TNRC6C: variants seen among roughly 807,000 people sequenced by gnomAD.
The protein encoded by TNRC6C is trinucleotide repeat-containing gene 6C protein.
Under a neutral mutation model 153.7 loss-of-function variants are expected in TNRC6C, and 20 were observed. That is an observed-to-expected ratio of 0.13 (90% CI 0.09 to 0.19). The LOEUF is 0.19. Ranked by LOEUF, TNRC6C falls within the 10% of genes least tolerant of loss-of-function variation. The pLI, the probability that TNRC6C is intolerant of heterozygous loss-of-function variation, is 1.00. For missense variants in TNRC6C, 1,987 were observed against 2,172.0 expected, an observed-to-expected ratio of 0.91 and a Z score of 1.69; for synonymous variants, 811 against 841.4, an observed-to-expected ratio of 0.96 and a Z score of 0.63.
chr17:78,077,205 G>T, exon 9 of TNRC6C: 1 of 1,602,432 alleles, frequency 6.2e-7, no homozygotes. Flanking sequence ...TCGTGGAAGA[G>T]CCCACGCCTT....
chr17:77,968,992 C>T (rs1006636751), intron 1 of TNRC6C, among the ~76,000 whole-genome samples: 7 of 152,162 alleles, frequency 4.6e-5, no homozygotes, highest in South Asian at 2.1e-4. Flanking sequence ...ACTGTTGTGA[C>T]GCTAAGCCTG....
intron 1 of TNRC6C, among the ~76,000 whole-genome samples, chr17:77,996,470 C>T (rs2071330226): frequency 6.6e-6 from 1 of 152,164 alleles, no homozygotes; most frequent in Admixed American, 6.5e-5. Flanking sequence ...GCGGTGAATC[C>T]ACTCCAGGTG....
chr17:78,043,880 T>C (rs930922380), intron 2 of TNRC6C, among the ~76,000 whole-genome samples: 3 of 152,224 alleles, frequency 2.0e-5, no homozygotes, highest in Non-Finnish European at 4.4e-5. Flanking sequence ...ATCCATGTTG[T>C]TGCAAATGAC....
chr17:77,969,979 A>T (rs1377121919), intron 1 of TNRC6C, among the ~76,000 whole-genome samples: 1 of 152,228 alleles, frequency 6.6e-6, no homozygotes, highest in Non-Finnish European at 1.5e-5. Context: ...TTGATAACTC[A>T]TGTAAGAGCA....
intron 13 of TNRC6C, among the ~76,000 whole-genome samples, chr17:78,090,743 C>T (rs190806339): frequency 4.6e-5 from 7 of 152,294 alleles, no homozygotes; most frequent in African/African-American, 1.2e-4. Context: ...CTCACCATCC[C>T]AGCTGGGGGC....
intron 1 of TNRC6C, among the ~76,000 whole-genome samples, chr17:77,971,476 A>G (rs2070939444): frequency 6.6e-6 from 1 of 152,050 alleles, no homozygotes. Context: ...CAGACTCAAT[A>G]TTTCCATATC....
At chr17:78,056,851 A>G (rs972867585) in intron 3 of TNRC6C, among the ~76,000 whole-genome samples, 4 of 127,186 alleles carry the variant, frequency 3.1e-5, no homozygotes, top group African/African-American at 1.1e-4. Context: ...AAAAGGGCCA[A>G]AATAATTCTC....
At chr17:78,045,334 A>G (rs762223472) in intron 2 of TNRC6C, among the ~76,000 whole-genome samples, 1 of 152,180 alleles carries the variant, frequency 6.6e-6, no homozygotes, top group Non-Finnish European at 1.5e-5. Context: ...ATGGCATCCT[A>G]TATGGCCATC....
At chr17:78,084,126 A>C (rs1213050365) in intron 11 of TNRC6C, among the ~76,000 whole-genome samples, 1 of 152,144 alleles carries the variant, frequency 6.6e-6, no homozygotes, top group Non-Finnish European at 1.5e-5. Flanking sequence ...TCTACTAAAA[A>C]TACAAAAATT....
intron 1 of TNRC6C, among the ~76,000 whole-genome samples, chr17:77,983,408 G>T (rs1598648257): frequency 6.6e-6 from 1 of 152,164 alleles, no homozygotes; most frequent in East Asian, 1.9e-4. Flanking sequence ...GCAAAATGGG[G>T]TAATGCTATA....
At chr17:78,033,869 T>A (rs1000049646) in intron 2 of TNRC6C, among the ~76,000 whole-genome samples, 4 of 152,156 alleles carry the variant, frequency 2.6e-5, no homozygotes, top group Admixed American at 1.3e-4. Flanking sequence ...TCCTCAGTAG[T>A]CTCTGGTATC....
intron 1 of TNRC6C, among the ~76,000 whole-genome samples, chr17:77,966,932 A>G (rs188972300): frequency 1.3e-3 from 196 of 152,368 alleles, no homozygotes; most frequent in African/African-American, 4.4e-3. Context: ...AAATCATTAC[A>G]TAAATAGAAT....
intron 1 of TNRC6C, among the ~76,000 whole-genome samples, chr17:78,006,445 TAC>T (rs1172944753): frequency 6.6e-6 from 1 of 152,236 alleles, no homozygotes; most frequent in Non-Finnish European, 1.5e-5. Flanking sequence ...CATTTCAAAA[TAC>T]AGAGTTAACT....
At chr17:78,087,880 A>G (rs768000295) in intron 13 of TNRC6C, among the ~76,000 whole-genome samples, 5 of 152,214 alleles carry the variant, frequency 3.3e-5, no homozygotes, top group Non-Finnish European at 7.3e-5. Flanking sequence ...CAGCTCACAT[A>G]CCTGAAGACA....
intron 6 of TNRC6C, 43 bp from the exon 9 acceptor site, chr17:78,072,994 G>GT (rs2073024442): frequency 7.0e-7 from 1 of 1,434,842 alleles, no homozygotes; most frequent in South Asian, 1.3e-5. Context: ...CTTTCCTTTT[G>GT]TTAATTAATG....
In TNRC6C at chr17:78,052,333, C is replaced by T. The variant is rs1340344209; in HGVS notation, c.2395+876C>T. Among the ~76,000 whole-genome samples the T allele has an allele frequency of 2.0e-5, 3 of 152,124 alleles. No homozygotes were observed. The East Asian group carries it at 5.8e-4, about 29-fold the overall frequency. On this transcript the variant is annotated intron_variant, in intron 3 of 19. Coordinates refer to ENST00000301624, the Ensembl canonical transcript of TNRC6C. ...CTGGGGCCCCTGGAGGGTTGCTGGG[C>T]AATGTCAGGGCCCAGAGATCACCAT...
upstream of TNRC6C, among the ~76,000 whole-genome samples, chr17:78,002,786 C>T (rs2071433065): frequency 6.6e-6 from 1 of 152,192 alleles, no homozygotes; most frequent in Non-Finnish European, 1.5e-5. Flanking sequence ...CAGTCCCCAC[C>T]TCCCTCCATC....
chr17:77,996,195 T>C (rs1418352010), intron 1 of TNRC6C, among the ~76,000 whole-genome samples: 3 of 152,164 alleles, frequency 2.0e-5, no homozygotes, highest in Non-Finnish European at 4.4e-5. Flanking sequence ...CGTAATCAAA[T>C]AATGCTGCAG....
chr17:78,046,418 T>C (rs1447594441), intron 2 of TNRC6C, among the ~76,000 whole-genome samples: 4 of 152,148 alleles, frequency 2.6e-5, no homozygotes, highest in Non-Finnish European at 5.9e-5. Flanking sequence ...CCTCAGGTGA[T>C]CCACCTGCCT....
Sources: allele counts gnomAD v4.1 joint callset (sites outside exome capture counted in the v4.1 genomes callset), GRCh38; gene constraint gnomAD v4.1.1; transcripts MANE v1.5; gene names NCBI Gene and HGNC (gene_info 2026-07-23, HGNC 2026-07-21).